The following VPS13C variants were observed in gnomAD, a reference collection of about 807,000 sequenced individuals.
The protein encoded by VPS13C is intermembrane lipid transfer protein VPS13C.
In VPS13C, 358 loss-of-function variants were observed where a neutral mutation model predicts 456.8. The ratio of observed to expected loss-of-function variants is 0.78; its 90% CI spans 0.72 to 0.86. The LOEUF is 0.86. VPS13C is among the 40% of genes least tolerant of loss of function. The probability of loss-of-function intolerance (pLI) is 0.00; values close to 1 mark genes in which losing one functional copy is unlikely to be tolerated. For synonymous variants in VPS13C, 1,578 were observed against 1,486.7 expected (o/e 1.06, Z -1.41); for missense variants, 4,818 against 4,385.4 (o/e 1.10, Z -2.79).
chr15:62,016,934 T>C (rs2047274011), intron 9 of VPS13C, among the ~76,000 whole-genome samples: 1 of 152,194 alleles, frequency 6.6e-6, no homozygotes, highest in Non-Finnish European at 1.5e-5. Context: ...CCAGCACCTG[T>C]TGTTTCCTGA....
chr15:61,871,867 C>T (rs556954618), intron 79 of VPS13C, 122 bp downstream of exon 79: 14 of 824,618 alleles, frequency 1.7e-5, no homozygotes, highest in South Asian at 3.7e-5. Context: ...CTTAAGGCTA[C>T]GAATATAAAA....
chr15:62,021,279 C>A (rs181823031), intron 8 of VPS13C, among the ~76,000 whole-genome samples: 2 of 151,712 alleles, frequency 1.3e-5, no homozygotes, highest in East Asian at 3.9e-4. Flanking sequence ...CACTTGTACT[C>A]CTTAAATTTA....
chr15:62,037,464 TATA>T (rs1377743046), intron 3 of VPS13C, among the ~76,000 whole-genome samples: 13 of 109,592 alleles, frequency 1.2e-4, no homozygotes, highest in African/African-American at 9.9e-5. Flanking sequence ...ATAAATATAA[TATA>T]ATAAATTTAT....
chr15:61,898,189 A>C (rs2140102019), intron 66 of VPS13C, among the ~76,000 whole-genome samples: 1 of 152,302 alleles, frequency 6.6e-6, no homozygotes, highest in South Asian at 2.1e-4. Context: ...AAGAAACTGC[A>C]TCAACTAACG....
chr15:62,016,780 T>C (rs533723806), intron 9 of VPS13C, among the ~76,000 whole-genome samples: 9 of 152,156 alleles, frequency 5.9e-5, no homozygotes, highest in African/African-American at 1.2e-4. Context: ...CCTTTGGGTA[T>C]ATACCCAGTA....
intron 68 of VPS13C, 106 bp from the exon 69 acceptor site, chr15:61,882,842 G>T: frequency 8.1e-7 from 1 of 1,229,946 alleles, no homozygotes; most frequent in Non-Finnish European, 1.1e-6. Context: ...TTATCTTTAT[G>T]TCTCACCAAC....
chr15:61,982,681 A>C, intron 20 of VPS13C, 108 bp from the exon 21 acceptor site: 2 of 690,016 alleles, frequency 2.9e-6, no homozygotes, highest in Non-Finnish European at 4.8e-6. Flanking sequence ...GAACTGTGGA[A>C]CTCCTAAGAT....
chr15:61,930,821 C>G (rs1013902285), intron 50 of VPS13C, among the ~76,000 whole-genome samples: 1 of 152,164 alleles, frequency 6.6e-6, no homozygotes, highest in East Asian at 1.9e-4. Context: ...AAATATATCA[C>G]CCCATGTGGA....
In VPS13C at chr15:61,867,112, T is replaced by G. The variant is rs1894649622; in HGVS notation, c.10863+1547A>C. On this transcript the variant is annotated intron_variant, in intron 81 of 84. Coordinates refer to ENST00000644861, the MANE Select transcript of VPS13C (RefSeq NM_020821.3). The surrounding 1 kb of genome is among the most constrained non-coding windows in gnomAD (Gnocchi z 5.0). Reference sequence around the variant, plus strand: ...AAGGATTTAAAAGCAAAAGGTTGGTTTTTGAAAATAAAGAAATCTATGTAT... The same window carrying G: ...AAGGATTTAAAAGCAAAAGGTTGGTGTTTGAAAATAAAGAAATCTATGTAT... The G allele has an allele frequency of 1.0e-6, 1 of 977,416 alleles. No homozygotes were observed. The highest frequency in any genetic ancestry group is 5.3e-4 in the Middle Eastern group (1 of 1,890). The allele number at this position is 977,416 out of a possible 1,614,324, so 60.5% of individuals were successfully genotyped here.
chr15:61,927,572 T>C (rs2043899366), intron 51 of VPS13C, among the ~76,000 whole-genome samples: 2 of 152,254 alleles, frequency 1.3e-5, no homozygotes, highest in African/African-American at 4.8e-5. Flanking sequence ...AATAATCCTG[T>C]TTTACACTTT....
Position 61,951,980 on chromosome 15 carries a change from C to T in VPS13C, c.4300G>A (p.Val1434Ile). 1 of 1,610,644 alleles carries T rather than the reference C, an allele frequency of 6.2e-7. No individual in the cohort carries two copies. The highest frequency in any genetic ancestry group is 8.5e-7 in the Non-Finnish European group (1 of 1,178,778). Reference protein sequence around the residue: ...NMLLNFEIKEVVVTLMKKSEK... With the variant: ...NMLLNFEIKEIVVTLMKKSEK... ...GATTTTTTCATCAAAGTAACCACAA[C>T]CTAAAAAACGGTACCAGTATTACCA... The change falls in exon 39 of 85, where the codon GTT becomes ATT. Residue 1434 changes from valine to isoleucine, a missense_variant and splice_region_variant. Val to Ile is a conservative substitution (Grantham distance 29). Around this residue, in one of 3 missense-constraint regions of VPS13C, gnomAD observed 4,552 missense variants for 4,130.6 expected, o/e 1.10. Transcript: ENST00000644861.
chr15:62,038,451 T>G (rs568216014), intron 3 of VPS13C, among the ~76,000 whole-genome samples: 1 of 151,950 alleles, frequency 6.6e-6, no homozygotes, highest in Admixed American at 6.6e-5. Flanking sequence ...GAGCCAATCA[T>G]GGTGACACAC....
intron 82 of VPS13C, among the ~76,000 whole-genome samples, chr15:61,860,376 G>C (rs1894154382): frequency 6.6e-6 from 1 of 152,126 alleles, no homozygotes; most frequent in African/African-American, 2.4e-5. Context: ...ATATATTGTT[G>C]AGTGGTATGT....
chr15:61,938,266 T>TGGGGGGGGG (rs35262268), intron 47 of VPS13C, among the ~76,000 whole-genome samples: 1 of 150,782 alleles, frequency 6.6e-6, no homozygotes, highest in African/African-American at 2.5e-5. Context: ...CACTTTGCTG[T>TGGGGGGGGG]GGGGTGGGGG....
At chr15:61,975,131 C>T (rs1478670857) in intron 24 of VPS13C, among the ~76,000 whole-genome samples, 1 of 151,980 alleles carries the variant, frequency 6.6e-6, no homozygotes, top group African/African-American at 2.4e-5. Flanking sequence ...CAGTAAAGCA[C>T]TGTAGAGAGG....
chr15:61,899,624 C>T (rs368431288), intron 66 of VPS13C, among the ~76,000 whole-genome samples: 1 of 148,898 alleles, frequency 6.7e-6, no homozygotes, highest in African/African-American at 2.5e-5. Context: ...TAATCAATAG[C>T]TTACCAACCA....
intron 76 of VPS13C, among the ~76,000 whole-genome samples, 168 bp from the exon 77 acceptor site, chr15:61,875,119 GT>G (rs994539662): frequency 3.9e-5 from 6 of 152,018 alleles, no homozygotes; most frequent in African/African-American, 1.4e-4. Context: ...TATCTATTGT[GT>G]TTGAAGACAC....
chr15:61,860,324 T>C (rs1464992786), intron 82 of VPS13C, among the ~76,000 whole-genome samples: 1 of 152,162 alleles, frequency 6.6e-6, no homozygotes, highest in Non-Finnish European at 1.5e-5. Flanking sequence ...GTTTAAGTGA[T>C]AAAACCTAGT....
At chr15:61,890,955 G>A (rs891755687) in intron 66 of VPS13C, among the ~76,000 whole-genome samples, 15 of 152,258 alleles carry the variant, frequency 9.9e-5, no homozygotes, top group African/African-American at 3.4e-4. Flanking sequence ...GCTGAGGCAC[G>A]AGAATTGCTT....
Sources: gnomAD v4.1 joint callset for allele counts (sites outside exome capture counted in the v4.1 genomes callset) on GRCh38, gnomAD v4.1.1 for gene constraint, gnomAD v4.1.1 regional missense constraint, Gnocchi (gnomAD v3.1) non-coding constraint, MANE v1.5 for transcripts, NCBI Gene and HGNC (gene_info 2026-07-23, HGNC 2026-07-21) for gene names.